Variants in PPM1H observed in about 807,000 individuals in gnomAD.
PPM1H encodes protein phosphatase 1H.
PPM1H carries 27 observed loss-of-function variants against 54.9 expected under a neutral mutation model. That is an observed-to-expected ratio of 0.49 (90% CI 0.36 to 0.68). The LOEUF is 0.68. Ranked by LOEUF, PPM1H falls within the 30% of genes least tolerant of loss-of-function variation. The pLI is 0.00. For missense variants in PPM1H, 596 were observed against 667.8 expected (o/e 0.89, Z 1.19); for synonymous variants, 305 against 270.8 (o/e 1.13, Z -1.24).
In PPM1H at chr12:62,879,433, T is replaced by C. The variant is rs528777449; in HGVS notation, c.246-47154A>G. Among the ~76,000 whole-genome samples the C allele has an allele frequency of 1.8e-4, 27 of 152,268 alleles. No individual in the cohort carries two copies. The East Asian group carries it at 3.3e-3, about 19-fold the overall frequency. On this transcript the variant is annotated intron_variant, in intron 1 of 9. Coordinates refer to ENST00000228705, the MANE Select transcript of PPM1H (RefSeq NM_020700.2). ...TATACCATGGAATACTATGCAGCCA[T>C]AAAAAAGGATGAGTTCATGCCCTTT...
chr12:62,678,309 A>G (rs564184135), intron 8 of PPM1H, among the ~76,000 whole-genome samples: 2 of 152,378 alleles, frequency 1.3e-5, no homozygotes, highest in East Asian at 3.9e-4. Context: ...AATATAAAAA[A>G]GATATAGCAT....
chr12:62,771,487 G>C (rs2076579813), intron 4 of PPM1H, among the ~76,000 whole-genome samples: 1 of 152,162 alleles, frequency 6.6e-6, no homozygotes, highest in African/African-American at 2.4e-5. Context: ...AGCAGCTCAG[G>C]AACGCTATCA....
At chr12:62,692,345 T>A (rs1294695163) in intron 7 of PPM1H, among the ~76,000 whole-genome samples, 3 of 152,230 alleles carry the variant, frequency 2.0e-5, no homozygotes, top group Admixed American at 6.5e-5. Context: ...AGGAACATGA[T>A]GTTTTGGTGA....
At chr12:62,840,219 G>A (rs888752724) in intron 1 of PPM1H, 7 of 152,194 alleles carry the variant, frequency 4.6e-5, no homozygotes, top group African/African-American at 1.7e-4. Context: ...CCCCTTTCTG[G>A]TTCATAGATG....
rs145270936 is a variant in PPM1H at position 62,681,536 on chromosome 12, C to T, written c.1245+8163G>A. On this transcript the variant is annotated intron_variant, in intron 8 of 9. Coordinates refer to ENST00000228705, the MANE Select transcript of PPM1H (RefSeq NM_020700.2). Reference sequence around the variant, plus strand: ...GGGCAGTTAGCTTTATTAGAGCTAACAGCCCTTCAAGCTAATCTTTCAAAC... The same window carrying T: ...GGGCAGTTAGCTTTATTAGAGCTAATAGCCCTTCAAGCTAATCTTTCAAAC... Among the ~76,000 whole-genome samples the T allele has an allele frequency of 2.6e-5, 4 of 152,356 alleles. No individual in the cohort carries two copies. In the East Asian group the frequency reaches 7.7e-4, roughly 29 times the overall value.
chr12:62,684,271 C>A (rs944090660), intron 8 of PPM1H, among the ~76,000 whole-genome samples: 1 of 152,112 alleles, frequency 6.6e-6, no homozygotes, highest in African/African-American at 2.4e-5. Context: ...GTGGTGAGGG[C>A]CTCTCTTGGA....
At chr12:62,915,541 A>G (rs539478515) in intron 1 of PPM1H, among the ~76,000 whole-genome samples, 1 of 152,198 alleles carries the variant, frequency 6.6e-6, no homozygotes, top group Non-Finnish European at 1.5e-5. Context: ...ACCTCCATCC[A>G]TGACAAATCC....
chr12:62,890,717 T>C (rs1487334629), intron 1 of PPM1H, among the ~76,000 whole-genome samples: 30 of 143,294 alleles, frequency 2.1e-4, no homozygotes, highest in African/African-American at 3.3e-4. Context: ...TGTGTGTGTA[T>C]ACACACACAC....
At chr12:62,882,221 C>G (rs754883262) in intron 1 of PPM1H, among the ~76,000 whole-genome samples, 8 of 152,216 alleles carry the variant, frequency 5.3e-5, no homozygotes, top group Non-Finnish European at 1.2e-4. Flanking sequence ...CATCTATACA[C>G]TATGTGCCAG....
intron 1 of PPM1H, among the ~76,000 whole-genome samples, chr12:62,839,040 G>C (rs1448377213): frequency 6.6e-6 from 1 of 151,944 alleles, no homozygotes; most frequent in South Asian, 2.1e-4. Context: ...TCCATGACCA[G>C]GGAGAAGAAA....
At chr12:62,824,436 T>A (rs1022746334) in intron 2 of PPM1H, among the ~76,000 whole-genome samples, 11 of 152,190 alleles carry the variant, frequency 7.2e-5, no homozygotes, top group Non-Finnish European at 1.3e-4. Context: ...AGAGCCCACA[T>A]TGCCAAGACA....
intron 1 of PPM1H, among the ~76,000 whole-genome samples, chr12:62,896,980 T>C (rs1032676011): frequency 2.0e-5 from 3 of 151,608 alleles, no homozygotes; most frequent in African/African-American, 7.3e-5. Context: ...AACCATCATT[T>C]TGAGCAAACT....
At chr12:62,926,058 T>C (rs537544028) in intron 1 of PPM1H, among the ~76,000 whole-genome samples, 30 of 152,308 alleles carry the variant, frequency 2.0e-4, no homozygotes, top group African/African-American at 7.2e-4. Flanking sequence ...GCAGCCATAA[T>C]CACCTGTGGA....
chr12:62,697,145 G>A, intron 6 of PPM1H, among the ~76,000 whole-genome samples: 1 of 107,416 alleles, frequency 9.3e-6, no homozygotes, highest in East Asian at 3.2e-4. Flanking sequence ...TTTTTTTTTT[G>A]AGACAGAGTC....
In PPM1H at chr12:62,846,118, G is replaced by A. The variant is rs143881830; in HGVS notation, c.246-13839C>T. 7.9e-5 allele frequency among the ~76,000 whole-genome samples: 12 copies of A among 152,232 alleles called. No homozygotes were observed. In the East Asian group the frequency reaches 1.2e-3, roughly 15 times the overall value. On this transcript the variant is annotated intron_variant, in intron 1 of 9. Transcript: ENST00000228705. The stretch of plus-strand genomic sequence containing the variant: ...TTAGTAAATCCTGCACAGCAGGCCC[G>A]GACTGACCTTTCTCAACCGTGAATG...
At chr12:62,690,173 GATCC>G (rs747377788) in intron 7 of PPM1H, among the ~76,000 whole-genome samples, 40 of 151,768 alleles carry the variant, frequency 2.6e-4, no homozygotes, top group Non-Finnish European at 4.6e-4. Flanking sequence ...AGGATTGATC[GATCC>G]ATCCATCCAT....
At chr12:62,852,102 G>A (rs1171653979) in intron 1 of PPM1H, among the ~76,000 whole-genome samples, 2 of 151,592 alleles carry the variant, frequency 1.3e-5, no homozygotes, top group South Asian at 2.1e-4. Context: ...GGTGGCGGGC[G>A]CCTGTAATCC....
intron 6 of PPM1H, among the ~76,000 whole-genome samples, chr12:62,702,449 C>T (rs1463026602): frequency 6.6e-6 from 1 of 151,904 alleles, no homozygotes; most frequent in East Asian, 1.9e-4. Flanking sequence ...ATTGCTTAAC[C>T]CATGGGCCAG....
intron 8 of PPM1H, among the ~76,000 whole-genome samples, chr12:62,680,114 A>T (rs180758199): frequency 6.6e-6 from 1 of 152,294 alleles, no homozygotes; most frequent in Non-Finnish European, 1.5e-5. Flanking sequence ...TTCCTTGACC[A>T]ACAGAATGTG....
Sources: gnomAD v4.1 joint callset for allele counts (sites outside exome capture counted in the v4.1 genomes callset) on GRCh38, gnomAD v4.1.1 for gene constraint, MANE v1.5 for transcripts, NCBI Gene and HGNC (gene_info 2026-07-23, HGNC 2026-07-21) for gene names.